The following PCMTD1 variants were observed in gnomAD, a reference collection of about 807,000 sequenced individuals.
PCMTD1 encodes the protein protein-L-isoaspartate O-methyltransferase domain-containing protein 1.
PCMTD1 carries 12 observed loss-of-function variants against 37.6 expected under a neutral mutation model. The observed-to-expected ratio is 0.32, with a 90% CI of 0.20 to 0.52. PCMTD1 has a LOEUF of 0.52. Ranked by LOEUF, PCMTD1 falls within the 20% of genes least tolerant of loss-of-function variation. The pLI, the probability that PCMTD1 is intolerant of heterozygous loss-of-function variation, is 0.97. For synonymous variants in PCMTD1, 117 were observed against 135.8 expected (o/e 0.86, Z 0.96); for missense variants, 235 against 421.3 (o/e 0.56, Z 3.87).
chr8:51,851,843 T>C (rs1585814436), intron 2 of PCMTD1, among the ~76,000 whole-genome samples: 4 of 152,050 alleles, frequency 2.6e-5, no homozygotes, highest in Admixed American at 2.6e-4. Flanking sequence ...AGGCACGGGG[T>C]TTCTCCATGT....
At chr8:51,832,237 A>G (rs116744635) in intron 4 of PCMTD1, among the ~76,000 whole-genome samples, 466 of 152,358 alleles carry the variant, frequency 3.1e-3, no homozygotes, top group African/African-American at 0.011. Flanking sequence ...AGGAAGTCAT[A>G]TTTTACGTAT....
At chr8:51,857,917 A>G (rs1373583796) in intron 2 of PCMTD1, among the ~76,000 whole-genome samples, 2 of 152,212 alleles carry the variant, frequency 1.3e-5, no homozygotes, top group African/African-American at 4.8e-5. Flanking sequence ...ACTTGAGCCC[A>G]GTAGGTCGAA....
In PCMTD1 at chr8:51,817,782, G is replaced by T; in HGVS notation, c.*2569C>A. 1 of 455,638 alleles carries T rather than the reference G, an allele frequency of 2.2e-6. No homozygotes were observed. The highest frequency in any genetic ancestry group is 1.6e-5 in the South Asian group (1 of 64,366). 28.2% of individuals were successfully genotyped at this position (455,638 alleles called of 1,614,324 possible). ...AATATATTGACCAATAAGCAGTATA[G>T]ATTTAAATTATCTTCTTGGGTTGGT... is the stretch of plus-strand genomic sequence containing the variant. On this transcript the variant is annotated 3_prime_UTR_variant, in exon 6 of 6. Transcript: ENST00000522514.
chr8:51,819,626 T>C lies in PCMTD1; in HGVS notation c.*725A>G, dbSNP rs1473100414. On this transcript the variant is annotated 3_prime_UTR_variant, in exon 6 of 6. Coordinates refer to ENST00000522514, the MANE Select transcript of PCMTD1 (RefSeq NM_052937.4). ...ACCTCATTTTTTTAAATACTGAAAA[T>C]GTAAAGGGTCCATATAAAGAGTTGT... is the stretch of plus-strand genomic sequence containing the variant. 1 of 152,532 alleles carries C rather than the reference T, an allele frequency of 6.6e-6. No homozygotes were observed. The highest frequency in any genetic ancestry group is 1.5e-5 in the Non-Finnish European group (1 of 68,024). 9.4% of individuals were successfully genotyped at this position (152,532 alleles called of 1,614,324 possible). A position where few individuals can be genotyped will look rare whatever the true frequency, so the allele number is the denominator to read the frequency against.
At chr8:51,893,807 G>A (rs1027403248) in intron 1 of PCMTD1, among the ~76,000 whole-genome samples, 1 of 152,112 alleles carries the variant, frequency 6.6e-6, no homozygotes, top group Non-Finnish European at 1.5e-5. Context: ...AAACAAGCTA[G>A]TGTGTGTGAC....
rs763265020 is a variant in PCMTD1, at chr8:51,820,454, A to G, written c.971T>C (p.Met324Thr). The change falls in exon 6 of 6, where the codon ATG becomes ACG. Residue 324 changes from methionine to threonine, a missense_variant. Physicochemically the swap from Met to Thr is moderately conservative, Grantham distance 81 (BLOSUM62 -1). Transcript: ENST00000522514. ...ATTTTGAGGTGGCTCCTCTGGCTTC[A>G]TTGCTTCATTGTGATCTTTTTCCTC... ...EEEEKDHNEA[M>T]KPEEPPQNLL... The G allele has an allele frequency of 9.9e-6, 16 of 1,613,710 alleles. No individual in the cohort carries two copies. Among genetic ancestry groups the G allele is most frequent in the Middle Eastern group, 3.3e-4 (2 of 6,062 alleles).
intron 5 of PCMTD1, among the ~76,000 whole-genome samples, chr8:51,822,253 G>A (rs965264757): frequency 6.6e-6 from 1 of 152,150 alleles, no homozygotes; most frequent in East Asian, 1.9e-4. Flanking sequence ...CTAGAAATAT[G>A]AACACACTCT....
chr8:51,858,975 A>T (rs1438755241), intron 2 of PCMTD1, among the ~76,000 whole-genome samples: 1 of 152,176 alleles, frequency 6.6e-6, no homozygotes. Flanking sequence ...ACAGACATCT[A>T]ATCTCTTGGA....
intron 5 of PCMTD1, among the ~76,000 whole-genome samples, chr8:51,823,319 C>G (rs1268114234): frequency 1.3e-5 from 2 of 152,090 alleles, no homozygotes; most frequent in Non-Finnish European, 2.9e-5. Context: ...GAAAAATTAG[C>G]CGGGCATGGT....
At chr8:51,826,998 T>C (rs897559872) in intron 5 of PCMTD1, 7 of 943,198 alleles carry the variant, frequency 7.4e-6, no homozygotes, top group Non-Finnish European at 8.8e-6. Flanking sequence ...ATAATTTATA[T>C]ATATATTATT....
At position 51,831,513 on chromosome 8, in the gene PCMTD1, C is replaced by A; in HGVS notation, c.637G>T (p.Ala213Ser). 1 of 1,613,658 alleles carries A rather than the reference C, an allele frequency of 6.2e-7. No homozygotes were observed. The highest frequency in any genetic ancestry group is 8.5e-7 in the Non-Finnish European group (1 of 1,179,800). ...TGCACAAGTGGAGCAAATGAAACAG[C>A]AAGGATATTTTTACTTTCCCAAGTG... ...QNTWESKNIL[A>S]VSFAPLVQPS... Residue 213 changes from alanine to serine, a missense_variant, in exon 5 of 6, where the codon GCT becomes TCT. By Grantham distance (99) the Ala-to-Ser change is moderately conservative. Coordinates refer to ENST00000522514, the MANE Select transcript of PCMTD1 (RefSeq NM_052937.4).
intron 2 of PCMTD1, among the ~76,000 whole-genome samples, chr8:51,856,699 C>T (rs1426526652): frequency 2.0e-5 from 3 of 152,158 alleles, no homozygotes; most frequent in African/African-American, 4.8e-5. Flanking sequence ...CTGAGACATG[C>T]TACAGCATGG....
At chr8:51,874,623 T>TATGA (rs1563357575) in intron 1 of PCMTD1, among the ~76,000 whole-genome samples, 5 of 152,090 alleles carry the variant, frequency 3.3e-5, no homozygotes, top group African/African-American at 1.2e-4. Flanking sequence ...AGCCAAACAG[T>TATGA]GTAAAATTAC....
chr8:51,875,659 T>C lies in PCMTD1; in HGVS notation c.-95-14413A>G, dbSNP rs369695194. Among the ~76,000 whole-genome samples the C allele has an allele frequency of 2.1e-4, 32 of 152,310 alleles. No homozygotes were observed. In the East Asian group the frequency reaches 5.4e-3, roughly 26 times the overall value. ...GTAAAGGATCATATAGTGTGGGTGT[T>C]TGGACCAGTGGCTCATGCCTATAAT... is the stretch of plus-strand genomic sequence containing the variant. On this transcript the variant is annotated intron_variant, in intron 1 of 5. Transcript: ENST00000522514.
intron 1 of PCMTD1, among the ~76,000 whole-genome samples, chr8:51,898,070 T>C (rs1189743207): frequency 6.6e-6 from 1 of 152,118 alleles, no homozygotes; most frequent in Non-Finnish European, 1.5e-5. Flanking sequence ...GCTTCATGTT[T>C]TTCTCAAGGA....
At chr8:51,874,574 A>T (rs932995428) in intron 1 of PCMTD1, among the ~76,000 whole-genome samples, 4 of 151,876 alleles carry the variant, frequency 2.6e-5, no homozygotes, top group African/African-American at 9.7e-5. Context: ...AATCATAAAG[A>T]ATTATTTCAT....
intron 2 of PCMTD1, among the ~76,000 whole-genome samples, chr8:51,854,266 T>C (rs2038350243): frequency 6.6e-6 from 1 of 152,178 alleles, no homozygotes; most frequent in Non-Finnish European, 1.5e-5. Flanking sequence ...AGCAGTAATA[T>C]TATCCATAAA....
At position 51,867,149 on chromosome 8, in the gene PCMTD1, T is replaced by C. The variant is rs372065731; in HGVS notation, c.-95-5903A>G. On this transcript the variant is annotated intron_variant, in intron 1 of 5. Transcript: ENST00000522514. ...TAAAACCCAAAATGAGTTATCACTT[T>C]ACACCTGTCAGAATGGCTATCATCA... Among the ~76,000 whole-genome samples, 21 of 152,146 alleles carry C rather than the reference T, an allele frequency of 1.4e-4. 1 individual carries two copies. The South Asian group carries it at 3.3e-3, about 24-fold the overall frequency.
chr8:51,892,544 G>T (rs940072968), intron 1 of PCMTD1, among the ~76,000 whole-genome samples: 1 of 152,194 alleles, frequency 6.6e-6, no homozygotes, highest in Non-Finnish European at 1.5e-5. Flanking sequence ...TCCCCTACAA[G>T]AAAAGACCAC....
Sources: allele counts gnomAD v4.1 joint callset (sites outside exome capture counted in the v4.1 genomes callset), GRCh38; gene constraint gnomAD v4.1.1; transcripts MANE v1.5; gene names NCBI Gene and HGNC (gene_info 2026-07-23, HGNC 2026-07-21).